The following HOXC5 variants were observed in gnomAD, a reference collection of about 807,000 sequenced individuals.
HOXC5 encodes homeobox C5, also known as homeobox protein Hox-C5.
A neutral mutation model predicts 20.1 loss-of-function variants in HOXC5; 19 were observed. That is an observed-to-expected ratio of 0.94 (90% confidence interval 0.66 to 1.38). HOXC5 has a LOEUF of 1.38. Among genes scored for constraint, HOXC5 ranks in the 40% most tolerant of loss-of-function variants. The probability of loss-of-function intolerance (pLI) is 0.00; values close to 1 mark genes in which losing one functional copy is unlikely to be tolerated. For missense variants in HOXC5, 330 were observed against 300.1 expected (o/e 1.10, Z -0.74); for synonymous variants, 124 against 117.0 (o/e 1.06, Z -0.39).
the HOXC5 span, among the ~76,000 whole-genome samples, chr12:54,024,249 G>A: frequency 2.0e-5 from 3 of 152,250 alleles, no homozygotes; most frequent in South Asian, 4.1e-4. Context: ...GGGTGGTGGG[G>A]GCAGGGTCGG....
upstream of HOXC5, chr12:54,028,468 G>A: frequency 6.4e-7 from 1 of 1,560,446 alleles, no homozygotes; most frequent in South Asian, 1.2e-5. Context: ...GTACAAACTG[G>A]AGACAGAAAT....
At chr12:54,021,128 C>T in the HOXC5 span, 1 of 152,566 alleles carries the variant, frequency 6.6e-6, no homozygotes, top group Non-Finnish European at 1.5e-5. Context: ...CTTGGAGAAG[C>T]TTGTGGAAAA....
chr12:54,018,219 A>C, the HOXC5 span, among the ~76,000 whole-genome samples: 1 of 152,288 alleles, frequency 6.6e-6, no homozygotes, highest in South Asian at 2.1e-4. Flanking sequence ...AAAGAGGCCT[A>C]CCGGCTTTCC....
chr12:54,030,458 A>T (rs1365357433), upstream of HOXC5: 1 of 153,028 alleles, frequency 6.5e-6, no homozygotes, highest in Non-Finnish European at 1.5e-5. Flanking sequence ...GCCTCCCCGC[A>T]GTCCCTGCCT....
upstream of HOXC5, chr12:54,029,959 G>C: frequency 6.4e-7 from 1 of 1,569,044 alleles, no homozygotes; most frequent in Non-Finnish European, 8.6e-7. Context: ...AGCAGAAAGA[G>C]TGACCAGGAC....
At chr12:54,030,129 C>T, upstream of HOXC5, 3 of 628,874 alleles carry the variant, frequency 4.8e-6, no homozygotes, top group Non-Finnish European at 8.1e-6. Context: ...TGGACCCCCT[C>T]CCTCACCGCA....
In HOXC5 at chr12:54,034,761, G is replaced by A. The variant is rs1941137995; in HGVS notation, c.*269G>A. On this transcript the variant is annotated 3_prime_UTR_variant, in exon 2 of 2. Transcript: ENST00000312492. ...GGGCAAGCTCCGCAGGACTTCCCCG[G>A]AGGGCTGCGGCGTACAGGCTGGCGC... 2 of 463,934 alleles carry A rather than the reference G, an allele frequency of 4.3e-6. No homozygotes were observed. The highest frequency in any genetic ancestry group is 8.0e-6 in the Non-Finnish European group (2 of 251,334). The allele number at this position is 463,934 out of a possible 1,614,324, so 28.7% of individuals were successfully genotyped here. A position where few individuals can be genotyped will look rare whatever the true frequency, so the allele number is the denominator to read the frequency against.
Position 54,034,648 on chromosome 12 carries a change from C to A in HOXC5, c.*156C>A. The A allele has an allele frequency of 1.6e-6, 1 of 632,772 alleles. No homozygotes were observed. Among genetic ancestry groups the A allele is most frequent in the Non-Finnish European group, 2.7e-6 (1 of 365,710 alleles). The allele number at this position is 632,772 out of a possible 1,614,324, so 39.2% of individuals were successfully genotyped here. On this transcript the variant is annotated 3_prime_UTR_variant, in exon 2 of 2. Coordinates refer to ENST00000312492, the MANE Select transcript of HOXC5 (RefSeq NM_018953.4). ...ACAAAAGCGCTTTTCCTTGGCATTC[C>A]GCATCCCTACCGACCCAGGGTTCCC...
upstream of HOXC5, among the ~76,000 whole-genome samples, chr12:54,031,522 G>A (rs1940987022): frequency 6.6e-6 from 1 of 152,208 alleles, no homozygotes; most frequent in Non-Finnish European, 1.5e-5. Context: ...GTGAAGAGGC[G>A]GGTGAGGAGC....
upstream of HOXC5, among the ~76,000 whole-genome samples, chr12:54,031,728 G>A (rs570568166): frequency 1.5e-4 from 23 of 152,296 alleles, no homozygotes; most frequent in African/African-American, 5.5e-4. Context: ...TGAGGAGGGG[G>A]CCTTCTCCTG....
At chr12:54,033,709 C>T in intron 1 of HOXC5, 133 bp downstream of exon 1, 3 of 771,566 alleles carry the variant, frequency 3.9e-6, no homozygotes, top group East Asian at 2.7e-5. Context: ...AAACTGTCCA[C>T]TAAAAGGCTT....
upstream of HOXC5, chr12:54,028,685 A>G: frequency 3.1e-6 from 5 of 1,613,924 alleles, no homozygotes; most frequent in Non-Finnish European, 4.2e-6. Context: ...ACTCCCTTTT[A>G]TTCGCCACAG....
At chr12:54,030,188 C>T (rs1940929777), upstream of HOXC5, 2 of 470,376 alleles carry the variant, frequency 4.3e-6, no homozygotes, top group East Asian at 3.4e-5. Context: ...CTTGCTAGCT[C>T]GTTCTCGGCT....
rs1370060145 is a variant in HOXC5, at chr12:54,034,265, G to A, written c.455-13G>A. On this transcript the variant is annotated splice_polypyrimidine_tract_variant and intron_variant, in intron 1 of 1. Coordinates refer to ENST00000312492, the MANE Select transcript of HOXC5 (RefSeq NM_018953.4). ...TCACCCCTTCCTGGCTTGGGGTGGG[G>A]TTTATGTTCCAGAGACGGACGGCAA... 6.2e-7 allele frequency: 1 copy of A among 1,610,918 alleles called. No individual in the cohort carries two copies. The highest frequency in any genetic ancestry group is 1.1e-5 in the South Asian group (1 of 91,044).
At chr12:54,025,431 C>T in the HOXC5 span, among the ~76,000 whole-genome samples, 1 of 151,760 alleles carries the variant, frequency 6.6e-6, no homozygotes, top group African/African-American at 2.4e-5. Flanking sequence ...CTGCTCTCCC[C>T]CCTTGGAGCG....
At chr12:54,018,169 T>G in the HOXC5 span, among the ~76,000 whole-genome samples, 2 of 145,750 alleles carry the variant, frequency 1.4e-5, no homozygotes, top group Non-Finnish European at 3.0e-5. Flanking sequence ...AGGGTGGGGG[T>G]GGGGGATGCT....
At chr12:54,028,814 C>T (rs1940850609), upstream of HOXC5, 3 of 1,614,168 alleles carry the variant, frequency 1.9e-6, no homozygotes, top group South Asian at 2.2e-5. Flanking sequence ...AACACACAGA[C>T]CTCAATCGCT....
At chr12:54,031,419 C>T (rs1208200580), upstream of HOXC5, among the ~76,000 whole-genome samples, 1 of 152,210 alleles carries the variant, frequency 6.6e-6, no homozygotes, top group Non-Finnish European at 1.5e-5. Context: ...TGAGCTCTCG[C>T]CTGCTCTGGT....
chr12:54,030,156 C>G (rs141463318), upstream of HOXC5: 1,872 of 545,362 alleles, frequency 3.4e-3, 48 homozygotes, highest in African/African-American at 0.032. Context: ...TCTTTCACCA[C>G]GCGCCTCCTC....
Sources: allele counts gnomAD v4.1 joint callset (sites outside exome capture counted in the v4.1 genomes callset), GRCh38; gene constraint gnomAD v4.1.1; transcripts MANE v1.5; gene names NCBI Gene and HGNC (gene_info 2026-07-23, HGNC 2026-07-21).